The following RNGTT variants were observed in gnomAD, a reference collection of about 807,000 sequenced individuals.
RNGTT encodes RNA guanylyltransferase and 5'-phosphatase, also known as mRNA-capping enzyme.
RNGTT carries 33 observed loss-of-function variants against 79.3 expected under a neutral mutation model. The ratio of observed to expected loss-of-function variants is 0.42; its 90% confidence interval spans 0.32 to 0.56. The LOEUF is 0.56. Ranked by LOEUF, RNGTT falls within the 20% of genes least tolerant of loss-of-function variation. RNGTT has a pLI of 0.17. For missense variants in RNGTT, 497 were observed against 739.1 expected, an observed-to-expected ratio of 0.67 and a Z score of 3.80; for synonymous variants, 222 against 235.9, an observed-to-expected ratio of 0.94 and a Z score of 0.54.
intron 12 of RNGTT, among the ~76,000 whole-genome samples, chr6:88,776,664 GAAAA>G (rs34767667): frequency 7.2e-6 from 1 of 138,874 alleles, no homozygotes; most frequent in Non-Finnish European, 1.6e-5. Context: ...GGCTTCTTTG[GAAAA>G]AAAAAAAAAA....
At chr6:88,927,199 T>C (rs867166711) in intron 4 of RNGTT, among the ~76,000 whole-genome samples, 22 of 152,298 alleles carry the variant, frequency 1.4e-4, no homozygotes, top group Middle Eastern at 6.8e-3. Flanking sequence ...CTCAATAAAC[T>C]GTGCTGAAAC....
intron 12 of RNGTT, among the ~76,000 whole-genome samples, chr6:88,799,299 G>C (rs1779704638): frequency 6.6e-6 from 1 of 152,170 alleles, no homozygotes; most frequent in Non-Finnish European, 1.5e-5. Flanking sequence ...AATTGATTCT[G>C]AAACTTTCAC....
At chr6:88,760,162 G>A (rs1306075141) in intron 13 of RNGTT, among the ~76,000 whole-genome samples, 4 of 152,188 alleles carry the variant, frequency 2.6e-5, no homozygotes, top group African/African-American at 9.6e-5. Context: ...GAGGTCATAA[G>A]TAGATGTTTT....
At chr6:88,756,311 A>G (rs895498534) in intron 13 of RNGTT, among the ~76,000 whole-genome samples, 2 of 152,060 alleles carry the variant, frequency 1.3e-5, no homozygotes, top group Non-Finnish European at 2.9e-5. Context: ...CATCTCTACT[A>G]AAAATACAAA....
chr6:88,613,373 T>C (rs1487080468), intron 15 of RNGTT, among the ~76,000 whole-genome samples: 3 of 152,200 alleles, frequency 2.0e-5, no homozygotes, highest in African/African-American at 7.2e-5. Flanking sequence ...CTTATCAAAA[T>C]TTAGTGCCAG....
intron 4 of RNGTT, among the ~76,000 whole-genome samples, chr6:88,911,281 T>C (rs1783823977): frequency 6.6e-6 from 1 of 152,194 alleles, no homozygotes; most frequent in Non-Finnish European, 1.5e-5. Flanking sequence ...AGTAAAGGGA[T>C]GGAGAAAGAT....
At chr6:88,902,268 A>C (rs939967534) in intron 6 of RNGTT, among the ~76,000 whole-genome samples, 1 of 152,180 alleles carries the variant, frequency 6.6e-6, no homozygotes, top group African/African-American at 2.4e-5. Flanking sequence ...ACAATACCAA[A>C]AAAGATAGGA....
intron 14 of RNGTT, among the ~76,000 whole-genome samples, chr6:88,644,051 A>G (rs967339382): frequency 1.3e-5 from 2 of 152,218 alleles, no homozygotes; most frequent in Admixed American, 1.3e-4. Context: ...AAAAAAATCA[A>G]TGAATCCAGG....
Position 88,639,813 on chromosome 6 carries a change from T to C in RNGTT, c.1507-25418A>G, listed in dbSNP as rs1458740526. 2.0e-5 allele frequency among the ~76,000 whole-genome samples: 3 copies of C among 152,366 alleles called. No individual in the cohort carries two copies. The East Asian group carries it at 5.8e-4, about 29-fold the overall frequency. ...ACTCAGAGCCAGGTACTGTTCTAAGTACCTTCACATGCATTAAGGAATTTA... is the reference window on the plus strand; with the variant it reads ...ACTCAGAGCCAGGTACTGTTCTAAGCACCTTCACATGCATTAAGGAATTTA... On this transcript the variant is annotated intron_variant, in intron 14 of 15. Coordinates refer to ENST00000369485, the MANE Select transcript of RNGTT (RefSeq NM_003800.5).
intron 11 of RNGTT, among the ~76,000 whole-genome samples, chr6:88,828,596 G>A (rs903230945): frequency 3.3e-5 from 5 of 151,970 alleles, no homozygotes; most frequent in African/African-American, 7.2e-5. Context: ...AAACTCCTCC[G>A]AGCTAAAGAA....
chr6:88,685,658 T>C (rs1391599913), intron 13 of RNGTT, among the ~76,000 whole-genome samples: 1 of 151,994 alleles, frequency 6.6e-6, no homozygotes, highest in Non-Finnish European at 1.5e-5. Flanking sequence ...ATTAAATAAC[T>C]CACCATTGTA....
chr6:88,900,051 G>C (rs1198359521), intron 6 of RNGTT, among the ~76,000 whole-genome samples: 1 of 150,854 alleles, frequency 6.6e-6, no homozygotes, highest in African/African-American at 2.4e-5. Context: ...TCTAAAGAAA[G>C]ATAACATGAC....
rs531146991 is a variant in RNGTT, at chr6:88,737,398, G to T, written c.1439+32376C>A. 4.6e-5 allele frequency among the ~76,000 whole-genome samples: 7 copies of T among 152,238 alleles called. No individual in the cohort carries two copies. The East Asian group carries it at 1.4e-3, about 29-fold the overall frequency. Reference sequence around the variant, plus strand: ...TTTAGATGAGACTTTGAACTTTAGGGTTGATGCTGGAATGAATTAAGACTT... The same window carrying T: ...TTTAGATGAGACTTTGAACTTTAGGTTTGATGCTGGAATGAATTAAGACTT... On this transcript the variant is annotated intron_variant, in intron 13 of 15. Coordinates refer to ENST00000369485, the MANE Select transcript of RNGTT (RefSeq NM_003800.5).
chr6:88,878,077 T>TTTAC (rs1782574049), intron 8 of RNGTT, among the ~76,000 whole-genome samples: 1 of 118,396 alleles, frequency 8.4e-6, no homozygotes, highest in Non-Finnish European at 1.7e-5. Context: ...ATTTCATTTG[T>TTTAC]TTATTTATTT....
At chr6:88,734,827 C>G (rs1456224060) in intron 13 of RNGTT, among the ~76,000 whole-genome samples, 2 of 152,036 alleles carry the variant, frequency 1.3e-5, no homozygotes, top group African/African-American at 4.8e-5. Flanking sequence ...ATGAAATAGT[C>G]GACACATTAT....
intron 14 of RNGTT, among the ~76,000 whole-genome samples, chr6:88,632,170 C>T (rs889853762): frequency 6.6e-5 from 10 of 152,112 alleles, no homozygotes; most frequent in African/African-American, 2.4e-4. Flanking sequence ...CCATGTTGCC[C>T]AGGCTGGTCT....
intron 13 of RNGTT, among the ~76,000 whole-genome samples, chr6:88,735,116 A>G (rs1354936777): frequency 2.6e-5 from 4 of 152,170 alleles, no homozygotes; most frequent in African/African-American, 4.8e-5. Flanking sequence ...AAACGGGTCA[A>G]TTCTCCAAGA....
At chr6:88,664,622 C>T (rs187371813) in intron 14 of RNGTT, among the ~76,000 whole-genome samples, 93 of 152,276 alleles carry the variant, frequency 6.1e-4, no homozygotes, top group African/African-American at 2.1e-3. Context: ...TGACCGTCCA[C>T]GCTTGCAACG....
chr6:88,632,546 C>CACAG (rs1554199314), intron 14 of RNGTT, among the ~76,000 whole-genome samples: 2 of 79,764 alleles, frequency 2.5e-5, no homozygotes, highest in Non-Finnish European at 6.2e-5. Flanking sequence ...GACACACAGA[C>CACAG]ACACACACAC....
Sources: allele counts gnomAD v4.1 joint callset (sites outside exome capture counted in the v4.1 genomes callset), GRCh38; gene constraint gnomAD v4.1.1; transcripts MANE v1.5; gene names NCBI Gene and HGNC (gene_info 2026-07-23, HGNC 2026-07-21).